GREM2: variants seen among roughly 807,000 people sequenced by gnomAD.
The protein encoded by GREM2 is gremlin 2, DAN family BMP antagonist.
A neutral mutation model predicts 14.2 loss-of-function variants in GREM2; 11 were observed. The ratio of observed to expected loss-of-function variants is 0.78; its 90% CI spans 0.49 to 1.28. The LOEUF (loss-of-function observed/expected upper bound fraction) is 1.28, where lower values mean the gene tolerates loss of function less well. GREM2 is among the 50% of genes most tolerant of loss of function. The pLI is 0.00. For missense variants in GREM2, 210 were observed against 218.5 expected (o/e 0.96, Z 0.24); for synonymous variants, 98 against 97.6 (o/e 1.00, Z -0.02).
At position 240,513,121 on chromosome 1, in the gene GREM2, G is replaced by A. The variant is rs6665332; in HGVS notation, c.-1-19645C>T. 2.9e-3 allele frequency among the ~76,000 whole-genome samples: 435 copies of A among 152,276 alleles called. 3 individuals are homozygous for A. The highest frequency in any genetic ancestry group is 0.01 in the African/African-American group (420 of 41,556). On this transcript the variant is annotated intron_variant, in intron 1 of 1. Coordinates refer to ENST00000318160, the MANE Select transcript of GREM2 (RefSeq NM_022469.4). ...AAGAGATGATGGTAGTAGAGAGAAT[G>A]GTGTGGGGTAGGACATAATTAGGTT...
chr1:240,505,023 G>T (rs1326416169), intron 1 of GREM2, among the ~76,000 whole-genome samples: 2 of 152,092 alleles, frequency 1.3e-5, no homozygotes, highest in African/African-American at 2.4e-5. Context: ...GATCATGGGG[G>T]CAGTTTCCAA....
At chr1:240,601,435 C>A (rs1410457547) in intron 1 of GREM2, among the ~76,000 whole-genome samples, 2 of 152,080 alleles carry the variant, frequency 1.3e-5, no homozygotes, top group Non-Finnish European at 2.9e-5. Flanking sequence ...GGACATAGAG[C>A]CAAAGTTATT....
At chr1:240,573,788 T>C (rs1572404953) in intron 1 of GREM2, among the ~76,000 whole-genome samples, 1 of 152,184 alleles carries the variant, frequency 6.6e-6, no homozygotes, top group African/African-American at 2.4e-5. Context: ...AGTTGCTTTG[T>C]TCCTTTCCAG....
chr1:240,521,352 A>C (rs1478958051), intron 1 of GREM2, among the ~76,000 whole-genome samples: 2 of 152,090 alleles, frequency 1.3e-5, no homozygotes, highest in African/African-American at 4.8e-5. Flanking sequence ...GCGGATCACG[A>C]GGTCAGGAGA....
chr1:240,576,282 C>T (rs1165889942), intron 1 of GREM2, among the ~76,000 whole-genome samples: 3 of 152,144 alleles, frequency 2.0e-5, no homozygotes, highest in Non-Finnish European at 4.4e-5. Flanking sequence ...TTTCTTTGCA[C>T]CTTGGTTTGC....
At chr1:240,550,406 A>AACAG (rs1372401748) in intron 1 of GREM2, 1 of 79,038 alleles carries the variant, frequency 1.3e-5, no homozygotes, top group Non-Finnish European at 3.1e-5. Context: ...GATTTGTTAA[A>AACAG]ACAAACAAAC....
chr1:240,510,373 A>G (rs1677796098), intron 1 of GREM2, among the ~76,000 whole-genome samples: 1 of 59,826 alleles, frequency 1.7e-5, no homozygotes, highest in African/African-American at 9.4e-5. Context: ...CCGTCGCAAA[A>G]AAAAAAAAAA....
intron 1 of GREM2, among the ~76,000 whole-genome samples, chr1:240,581,496 C>A (rs1679483962): frequency 6.6e-6 from 1 of 152,032 alleles, no homozygotes; most frequent in Non-Finnish European, 1.5e-5. Flanking sequence ...TAAAATAACA[C>A]CTATCTAAAT....
intron 1 of GREM2, among the ~76,000 whole-genome samples, chr1:240,564,385 G>A (rs1260068198): frequency 1.3e-5 from 2 of 151,628 alleles, no homozygotes; most frequent in African/African-American, 4.8e-5. Flanking sequence ...ACATGCGCCT[G>A]TAGTCCCAAC....
intron 1 of GREM2, among the ~76,000 whole-genome samples, chr1:240,520,531 C>A (rs1678060362): frequency 1.3e-5 from 2 of 151,916 alleles, no homozygotes; most frequent in African/African-American, 2.4e-5. Flanking sequence ...ATTATAAATT[C>A]ATTAAGTGCA....
intron 1 of GREM2, among the ~76,000 whole-genome samples, chr1:240,601,547 T>C (rs1174134265): frequency 1.3e-5 from 2 of 152,230 alleles, no homozygotes; most frequent in African/African-American, 4.8e-5. Flanking sequence ...TGAGCTTCAG[T>C]TCTTTGTTGG....
intron 1 of GREM2, among the ~76,000 whole-genome samples, chr1:240,504,565 C>G (rs1204673602): frequency 6.6e-6 from 1 of 152,220 alleles, no homozygotes; most frequent in East Asian, 1.9e-4. Flanking sequence ...AGCTCCCATC[C>G]AACCCACTCT....
At chr1:240,596,081 A>G (rs769659915) in intron 1 of GREM2, among the ~76,000 whole-genome samples, 10 of 152,190 alleles carry the variant, frequency 6.6e-5, no homozygotes, top group Non-Finnish European at 1.0e-4. Flanking sequence ...AATACTCCAA[A>G]TAAGTGTTCT....
At chr1:240,562,654 A>G (rs1215003140) in intron 1 of GREM2, among the ~76,000 whole-genome samples, 5 of 152,140 alleles carry the variant, frequency 3.3e-5, no homozygotes, top group Non-Finnish European at 7.3e-5. Flanking sequence ...TATTTGACAT[A>G]GGCTTTTCTC....
intron 1 of GREM2, among the ~76,000 whole-genome samples, chr1:240,514,689 A>G (rs1677912693): frequency 6.6e-6 from 1 of 152,220 alleles, no homozygotes. Context: ...GCATGAGGCC[A>G]GCAGCCCGAG....
intron 1 of GREM2, among the ~76,000 whole-genome samples, chr1:240,582,389 C>T (rs560354872): frequency 1.3e-5 from 2 of 152,172 alleles, no homozygotes; most frequent in South Asian, 2.1e-4. Flanking sequence ...GAGCCAAGAT[C>T]GTGCCATTGC....
intron 1 of GREM2, among the ~76,000 whole-genome samples, chr1:240,525,608 A>G (rs115524814): frequency 0.011 from 1,622 of 151,970 alleles, 23 homozygotes; most frequent in African/African-American, 0.038. Flanking sequence ...CCTCCCGAGT[A>G]GTTGGGATTC....
intron 1 of GREM2, among the ~76,000 whole-genome samples, chr1:240,508,213 C>T (rs1677724391): frequency 6.6e-6 from 1 of 152,100 alleles, no homozygotes; most frequent in African/African-American, 2.4e-5. Context: ...AGCACAGGTC[C>T]TGGACACATA....
chr1:240,555,192 A>T (rs993544333), intron 1 of GREM2, among the ~76,000 whole-genome samples: 1 of 152,064 alleles, frequency 6.6e-6, no homozygotes, highest in East Asian at 1.9e-4. Context: ...AATTGTGACC[A>T]TATTCTGGGA....
Sources: gnomAD v4.1 joint callset for allele counts (sites outside exome capture counted in the v4.1 genomes callset) on GRCh38, gnomAD v4.1.1 for gene constraint, MANE v1.5 for transcripts, NCBI Gene and HGNC (gene_info 2026-07-23, HGNC 2026-07-21) for gene names.